Variants in SLC17A1 observed in about 807,000 individuals in gnomAD.
The protein encoded by SLC17A1 is sodium-dependent phosphate transport protein 1.
In SLC17A1, 51 loss-of-function variants were observed where a neutral mutation model predicts 53.5. The ratio of observed to expected loss-of-function variants is 0.95; its 90% confidence interval spans 0.76 to 1.20. SLC17A1 has a LOEUF of 1.20. SLC17A1 is among the 50% of genes most tolerant of loss of function. SLC17A1 has a pLI of 0.00. For missense variants in SLC17A1, 538 were observed against 568.2 expected (o/e 0.95, Z 0.54); for synonymous variants, 179 against 198.8 (o/e 0.90, Z 0.84).
the SLC17A1 span, among the ~76,000 whole-genome samples, chr6:25,775,302 A>C: frequency 6.7e-6 from 1 of 149,728 alleles, no homozygotes; most frequent in East Asian, 2.0e-4. Flanking sequence ...ATTGCACTCC[A>C]GCCTGGGCAA....
the SLC17A1 span, among the ~76,000 whole-genome samples, chr6:25,728,249 A>G: frequency 6.6e-6 from 1 of 152,186 alleles, no homozygotes; most frequent in South Asian, 2.1e-4. Context: ...GAGAACTCAC[A>G]AATCTGGTTA....
the SLC17A1 span, chr6:25,761,994 T>C: frequency 1.2e-6 from 2 of 1,613,078 alleles, no homozygotes; most frequent in Non-Finnish European, 1.7e-6. Context: ...AAGGCTACAG[T>C]GGGGGACATT....
the SLC17A1 span, chr6:25,773,398 A>T: frequency 1.2e-6 from 2 of 1,613,484 alleles, no homozygotes; most frequent in African/African-American, 2.7e-5. Flanking sequence ...CAGCAGGTAC[A>T]TTGAGGAACT....
intron 3 of SLC17A1, among the ~76,000 whole-genome samples, chr6:25,821,266 T>C (rs940106464): frequency 6.6e-6 from 1 of 152,224 alleles, no homozygotes; most frequent in African/African-American, 2.4e-5. Flanking sequence ...CAAGTCACTG[T>C]CACCCTATAG....
chr6:25,734,265 G>A, the SLC17A1 span, among the ~76,000 whole-genome samples: 2 of 152,106 alleles, frequency 1.3e-5, no homozygotes, highest in Non-Finnish European at 2.9e-5. Context: ...TTGTTTTAAG[G>A]TTACAAGGAC....
the SLC17A1 span, among the ~76,000 whole-genome samples, chr6:25,742,140 C>A: frequency 6.6e-6 from 1 of 152,138 alleles, no homozygotes. Context: ...TCTGGGCAAC[C>A]ACTCCCAAGG....
chr6:25,830,268 T>G (rs917095777), intron 2 of SLC17A1, among the ~76,000 whole-genome samples: 1 of 152,218 alleles, frequency 6.6e-6, no homozygotes, highest in Non-Finnish European at 1.5e-5. Context: ...CAGTTTTTTC[T>G]GATATTTTCC....
At chr6:25,773,457 G>A in the SLC17A1 span, 2 of 1,612,800 alleles carry the variant, frequency 1.2e-6, no homozygotes, top group Non-Finnish European at 1.7e-6. Flanking sequence ...GATGAAGAAT[G>A]TGATAGAGAG....
chr6:25,819,466 T>C, intron 5 of SLC17A1, 45 bp downstream of exon 5: 2 of 1,419,964 alleles, frequency 1.4e-6, no homozygotes, highest in Non-Finnish European at 1.0e-6. Context: ...TGTAATACAA[T>C]GAGATGAAGA....
chr6:25,815,743 A>G (rs1284017182), intron 6 of SLC17A1, among the ~76,000 whole-genome samples: 1 of 151,994 alleles, frequency 6.6e-6, no homozygotes, highest in Non-Finnish European at 1.5e-5. Flanking sequence ...GTGGTCTTGG[A>G]ACTTTCTTCC....
At chr6:25,754,800 T>A in the SLC17A1 span, 7 of 152,138 alleles carry the variant, frequency 4.6e-5, no homozygotes, top group African/African-American at 1.7e-4. Context: ...GCTTTCAAAC[T>A]TTTACCCTTA....
At chr6:25,791,473 T>G (rs942933557) in intron 12 of SLC17A1, among the ~76,000 whole-genome samples, 1 of 152,212 alleles carries the variant, frequency 6.6e-6, no homozygotes, top group African/African-American at 2.4e-5. Flanking sequence ...ATACAGAGAT[T>G]CCTTTTACTA....
chr6:25,760,309 G>A, the SLC17A1 span, among the ~76,000 whole-genome samples: 2 of 152,010 alleles, frequency 1.3e-5, no homozygotes, highest in African/African-American at 4.8e-5. Flanking sequence ...TGAAGAAGTT[G>A]AGCAAATGCT....
chr6:25,777,926 G>T (rs751746596), downstream of SLC17A1: 16 of 1,611,842 alleles, frequency 9.9e-6, no homozygotes, highest in South Asian at 1.6e-4. Flanking sequence ...TCTCTCTCAG[G>T]TACACTGGCT....
At chr6:25,802,935 CTTTTTTTTTTTTTT>C (rs34669145) in intron 10 of SLC17A1, among the ~76,000 whole-genome samples, 3 of 46,098 alleles carry the variant, frequency 6.5e-5, no homozygotes, top group Non-Finnish European at 1.2e-4. Flanking sequence ...CTATCTTCTT[CTTTTTTTTTTTTTT>C]TTTTTTTTTT....
intron 12 of SLC17A1, among the ~76,000 whole-genome samples, chr6:25,788,372 G>A (rs1561822026): frequency 6.6e-6 from 1 of 152,194 alleles, no homozygotes; most frequent in Admixed American, 6.5e-5. Flanking sequence ...AAGCTCTGTG[G>A]TGCCCTCTTT....
chr6:25,799,003 G>A (rs1763672778), intron 11 of SLC17A1, 84 bp from the exon 12 acceptor site: 1 of 1,271,992 alleles, frequency 7.9e-7, no homozygotes, highest in Non-Finnish European at 1.1e-6. Flanking sequence ...TATTAAAAAT[G>A]TAGACTCAAG....
the SLC17A1 span, chr6:25,773,235 C>T: frequency 7.3e-6 from 11 of 1,497,936 alleles, no homozygotes; most frequent in Non-Finnish European, 1.0e-5. Flanking sequence ...GAAAGAAGTA[C>T]TTCAATCCAT....
the SLC17A1 span, among the ~76,000 whole-genome samples, chr6:25,772,470 C>T: frequency 6.6e-6 from 1 of 152,066 alleles, no homozygotes; most frequent in East Asian, 1.9e-4. Context: ...ACATGCTAGC[C>T]AAACAAAGAG....
Sources: gnomAD v4.1 joint callset for allele counts (sites outside exome capture counted in the v4.1 genomes callset) on GRCh38, gnomAD v4.1.1 for gene constraint, MANE v1.5 for transcripts, NCBI Gene and HGNC (gene_info 2026-07-23, HGNC 2026-07-21) for gene names.